The following FBXL7 variants were observed in gnomAD, a reference collection of about 807,000 sequenced individuals.
The protein encoded by FBXL7 is F-box and leucine rich repeat protein 7.
In FBXL7, 12 loss-of-function variants were observed where a neutral mutation model predicts 38.3. The ratio of observed to expected loss-of-function variants is 0.31; its 90% CI spans 0.20 to 0.51. FBXL7 has a LOEUF of 0.51. Ranked by LOEUF, FBXL7 falls within the 20% of genes least tolerant of loss-of-function variation. The pLI is 0.98. For missense variants in FBXL7, 567 were observed against 676.4 expected, an observed-to-expected ratio of 0.84 and a Z score of 1.79; for synonymous variants, 297 against 300.9, an observed-to-expected ratio of 0.99 and a Z score of 0.13.
intron 3 of FBXL7, among the ~76,000 whole-genome samples, chr5:15,934,808 G>T (rs951293234): frequency 6.6e-6 from 1 of 152,166 alleles, no homozygotes; most frequent in African/African-American, 2.4e-5. Context: ...TCATTCAACA[G>T]ATACTTAGCA....
intron 2 of FBXL7, among the ~76,000 whole-genome samples, chr5:15,662,169 G>A (rs1440774634): frequency 1.3e-5 from 2 of 151,922 alleles, no homozygotes; most frequent in Admixed American, 6.6e-5. Flanking sequence ...CCTTTTCTCT[G>A]CAACCTCACC....
At chr5:15,721,509 T>C (rs1361973178) in intron 2 of FBXL7, among the ~76,000 whole-genome samples, 1 of 152,178 alleles carries the variant, frequency 6.6e-6, no homozygotes, top group Non-Finnish European at 1.5e-5. Flanking sequence ...ATGAAGTTAT[T>C]CATATTCTTT....
intron 2 of FBXL7, among the ~76,000 whole-genome samples, chr5:15,842,666 C>A (rs1738781432): frequency 6.6e-6 from 1 of 152,142 alleles, no homozygotes; most frequent in African/African-American, 2.4e-5. Flanking sequence ...ATAATAGAAT[C>A]ATGGAGGCAG....
chr5:15,874,309 T>TATC (rs1216014063), intron 2 of FBXL7, among the ~76,000 whole-genome samples: 4 of 151,282 alleles, frequency 2.6e-5, no homozygotes, highest in Admixed American at 6.6e-5. Context: ...CCACAGCCAA[T>TATC]ATACTGAATG....
intron 2 of FBXL7, among the ~76,000 whole-genome samples, chr5:15,661,158 T>C (rs1742054603): frequency 6.6e-6 from 1 of 152,178 alleles, no homozygotes; most frequent in African/African-American, 2.4e-5. Context: ...TCTACTTTTT[T>C]TTGTTGGCTT....
intron 2 of FBXL7, among the ~76,000 whole-genome samples, chr5:15,712,305 C>A (rs1743899929): frequency 1.4e-5 from 2 of 141,470 alleles, no homozygotes; most frequent in Admixed American, 7.1e-5. Context: ...AGATTAAATA[C>A]ATAGGATAGC....
chr5:15,803,191 T>C (rs918188081), intron 2 of FBXL7, among the ~76,000 whole-genome samples: 5 of 152,214 alleles, frequency 3.3e-5, no homozygotes, highest in Non-Finnish European at 2.9e-5. Flanking sequence ...ACCAACATTT[T>C]GTTCCTAAAT....
chr5:15,519,768 G>C (rs946866852), intron 1 of FBXL7, among the ~76,000 whole-genome samples: 5 of 152,186 alleles, frequency 3.3e-5, no homozygotes, highest in African/African-American at 1.2e-4. Flanking sequence ...GACAGAGCTG[G>C]TGGTAATGGA....
At chr5:15,620,530 G>A (rs1011998903) in intron 2 of FBXL7, among the ~76,000 whole-genome samples, 2 of 151,654 alleles carry the variant, frequency 1.3e-5, no homozygotes, top group African/African-American at 2.4e-5. Flanking sequence ...TATTACAGGC[G>A]TGAGCCACCG....
chr5:15,892,590 T>C (rs1209321838), intron 2 of FBXL7, among the ~76,000 whole-genome samples: 1 of 152,150 alleles, frequency 6.6e-6, no homozygotes, highest in African/African-American at 2.4e-5. Context: ...AGCTTACTTA[T>C]TACATCTGAA....
chr5:15,636,105 T>G (rs887994730), intron 2 of FBXL7, among the ~76,000 whole-genome samples: 3 of 152,044 alleles, frequency 2.0e-5, no homozygotes, highest in Non-Finnish European at 4.4e-5. Flanking sequence ...ATATCTGTTT[T>G]TTTTTTTTTA....
At chr5:15,769,369 C>T (rs371520132) in intron 2 of FBXL7, among the ~76,000 whole-genome samples, 4 of 152,292 alleles carry the variant, frequency 2.6e-5, no homozygotes, top group East Asian at 1.9e-4. Context: ...CAGGAAAATC[C>T]TCCATAGGAG....
At position 15,814,399 on chromosome 5, in the gene FBXL7, A is replaced by G. The variant is rs138347115; in HGVS notation, c.128-113491A>G. ...CAATGAGAACACATGGACACAGGGA[A>G]GGGAACATCGCACACTGGGGCCTGT... On this transcript the variant is annotated intron_variant, in intron 2 of 3. Transcript: ENST00000504595. Among the ~76,000 whole-genome samples, 894 of 152,184 alleles carry G rather than the reference A, an allele frequency of 5.9e-3. 7 individuals carry two copies. Among genetic ancestry groups the G allele is most frequent in the African/African-American group, 0.02 (846 of 41,538 alleles).
At chr5:15,747,313 C>G (rs753733063) in intron 2 of FBXL7, among the ~76,000 whole-genome samples, 7 of 152,274 alleles carry the variant, frequency 4.6e-5, no homozygotes, top group Non-Finnish European at 1.0e-4. Context: ...ACGGCTCTAC[C>G]AATCTTAAGC....
intron 2 of FBXL7, among the ~76,000 whole-genome samples, chr5:15,925,991 C>T (rs1741868670): frequency 6.6e-6 from 1 of 152,152 alleles, no homozygotes. Context: ...TGTTAAATGA[C>T]TTTGTTACTG....
chr5:15,523,602 C>T (rs373721991), intron 1 of FBXL7, among the ~76,000 whole-genome samples: 76 of 152,080 alleles, frequency 5.0e-4, no homozygotes, highest in African/African-American at 1.7e-3. Flanking sequence ...GTGAGCAGTC[C>T]GGATTTCACG....
Position 15,878,404 on chromosome 5 carries a change from T to C in FBXL7, c.128-49486T>C, listed in dbSNP as rs181453284. On this transcript the variant is annotated intron_variant, in intron 2 of 3. Transcript: ENST00000504595. ...ACCAAATACCCACTGATGGCTTCTT[T>C]CCCCCCAAGTCTCTCTCCATGTTCT... Among the ~76,000 whole-genome samples, 390 of 152,190 alleles carry C rather than the reference T, an allele frequency of 2.6e-3. 1 individual carries two copies. Among genetic ancestry groups the C allele is most frequent in the African/African-American group, 8.9e-3 (370 of 41,516 alleles).
chr5:15,849,343 G>A (rs572487494), intron 2 of FBXL7, among the ~76,000 whole-genome samples: 20 of 152,134 alleles, frequency 1.3e-4, no homozygotes, highest in Middle Eastern at 3.2e-3. Context: ...TAGAATTAGC[G>A]AATTAGAAAC....
intron 2 of FBXL7, among the ~76,000 whole-genome samples, chr5:15,850,846 T>C (rs1485387082): frequency 6.6e-6 from 1 of 152,254 alleles, no homozygotes; most frequent in Non-Finnish European, 1.5e-5. Flanking sequence ...TTGATTTTCC[T>C]GAATCCTTTT....
Sources: allele counts gnomAD v4.1 joint callset (sites outside exome capture counted in the v4.1 genomes callset), GRCh38; gene constraint gnomAD v4.1.1; transcripts MANE v1.5; gene names NCBI Gene and HGNC (gene_info 2026-07-23, HGNC 2026-07-21).